Variants in HPSE2 observed in about 807,000 individuals in gnomAD.
HPSE2 encodes heparanase 2 (inactive).
In HPSE2, 38 loss-of-function variants were observed where a neutral mutation model predicts 60.5. That is an observed-to-expected ratio of 0.63 (90% CI 0.48 to 0.82). The LOEUF is 0.82. Among genes scored for constraint, HPSE2 ranks in the 40% least tolerant of loss-of-function variants. The probability of loss-of-function intolerance (pLI) is 0.00; values close to 1 mark genes in which losing one functional copy is unlikely to be tolerated. For missense variants in HPSE2, 713 were observed against 740.4 expected (o/e 0.96, Z 0.43); for synonymous variants, 295 against 293.2 (o/e 1.01, Z -0.06).
rs546273418 is a variant in HPSE2 at position 99,079,866 on chromosome 10, A to T, written c.610+64372T>A. 1.6e-4 allele frequency among the ~76,000 whole-genome samples: 24 copies of T among 152,288 alleles called. No individual in the cohort carries two copies. In the East Asian group the frequency reaches 2.3e-3, roughly 15 times the overall value. On this transcript the variant is annotated intron_variant, in intron 3 of 11. Coordinates refer to ENST00000370552, the MANE Select transcript of HPSE2 (RefSeq NM_021828.5). ...TCCTGTCAGCACTCCAAGACACTCA[A>T]GACATATAGCAGTCTTCTCAGAAGT...
chr10:99,153,129 C>A (rs1481834735), intron 2 of HPSE2, among the ~76,000 whole-genome samples: 1 of 152,190 alleles, frequency 6.6e-6, no homozygotes, highest in East Asian at 1.9e-4. Flanking sequence ...TGATTGCTAG[C>A]ACAGCAGTCT....
At chr10:99,211,385 CA>C (rs2133909167) in intron 2 of HPSE2, among the ~76,000 whole-genome samples, 1 of 152,036 alleles carries the variant, frequency 6.6e-6, no homozygotes, top group East Asian at 1.9e-4. Context: ...CAGAAGACCC[CA>C]AACAGCCAAA....
At chr10:99,096,874 T>C (rs989936749) in intron 3 of HPSE2, among the ~76,000 whole-genome samples, 29 of 152,200 alleles carry the variant, frequency 1.9e-4, no homozygotes, top group African/African-American at 6.8e-4. Context: ...AAGAGGCAGC[T>C]GGCTGGCTCA....
In HPSE2 at chr10:99,225,463, T is replaced by C. The variant is rs986656964; in HGVS notation, c.448+6885A>G. On this transcript the variant is annotated intron_variant, in intron 2 of 11. Transcript: ENST00000370552. ...TTATAAAATACTAGCCTACATTTAC[T>C]CTACAAAAGAAGGAAGAATAACATA... 2.0e-5 allele frequency among the ~76,000 whole-genome samples: 3 copies of C among 152,116 alleles called. No homozygotes were observed. The East Asian group carries it at 5.8e-4, about 29-fold the overall frequency.
chr10:99,293,755 T>C, the HPSE2 span, among the ~76,000 whole-genome samples: 4 of 152,150 alleles, frequency 2.6e-5, no homozygotes, highest in Non-Finnish European at 5.9e-5. Flanking sequence ...ATCAATAATA[T>C]AACAATTACG....
At chr10:98,852,455 C>T (rs1283280846) in intron 3 of HPSE2, among the ~76,000 whole-genome samples, 1 of 152,100 alleles carries the variant, frequency 6.6e-6, no homozygotes, top group Non-Finnish European at 1.5e-5. Flanking sequence ...TCAAGTGGTC[C>T]TCTGGCCTCA....
intron 9 of HPSE2, among the ~76,000 whole-genome samples, chr10:98,561,888 G>T (rs1400547420): frequency 1.3e-5 from 2 of 151,918 alleles, no homozygotes; most frequent in African/African-American, 4.8e-5. Flanking sequence ...CAACAACAAA[G>T]AAAAACTTTT....
intron 3 of HPSE2, among the ~76,000 whole-genome samples, chr10:99,098,124 T>G (rs1003693497): frequency 6.6e-6 from 1 of 152,212 alleles, no homozygotes; most frequent in Admixed American, 6.5e-5. Context: ...GTCCTACATA[T>G]CTATGGGTTC....
chr10:99,086,502 G>A (rs1160262286), intron 3 of HPSE2, among the ~76,000 whole-genome samples: 3 of 150,408 alleles, frequency 2.0e-5, no homozygotes, highest in African/African-American at 4.9e-5. Flanking sequence ...ACAGGCGCCC[G>A]CCACTACGCC....
chr10:98,555,913 T>C (rs1036760009), intron 9 of HPSE2, among the ~76,000 whole-genome samples: 3 of 152,136 alleles, frequency 2.0e-5, no homozygotes, highest in Non-Finnish European at 4.4e-5. Flanking sequence ...CTTGCTTGCT[T>C]GAGGTAGAAT....
chr10:98,895,738 T>C (rs987071126), intron 3 of HPSE2, among the ~76,000 whole-genome samples: 6 of 151,018 alleles, frequency 4.0e-5, no homozygotes, highest in Non-Finnish European at 5.9e-5. Flanking sequence ...ATATACACCA[T>C]GGAATACTAT....
intron 2 of HPSE2, among the ~76,000 whole-genome samples, chr10:99,145,576 A>G (rs901832317): frequency 4.0e-5 from 6 of 149,424 alleles, no homozygotes; most frequent in Non-Finnish European, 8.9e-5. Flanking sequence ...CATAGGTACA[A>G]ATGATACCAT....
At chr10:98,738,449 T>C (rs964119595) in intron 4 of HPSE2, among the ~76,000 whole-genome samples, 3 of 152,048 alleles carry the variant, frequency 2.0e-5, no homozygotes, top group African/African-American at 7.2e-5. Flanking sequence ...CCAAAATCAA[T>C]TGCAACAAAA....
chr10:98,538,253 T>C (rs2133816931), intron 9 of HPSE2, among the ~76,000 whole-genome samples: 1 of 152,288 alleles, frequency 6.6e-6, no homozygotes, highest in South Asian at 2.1e-4. Flanking sequence ...TTACAATCTT[T>C]CGTCTCCGCA....
chr10:99,160,994 T>C (rs992590102), intron 2 of HPSE2, among the ~76,000 whole-genome samples: 1 of 149,902 alleles, frequency 6.7e-6, no homozygotes, highest in African/African-American at 2.5e-5. Context: ...GGTGGGAAGA[T>C]GGCTTGAGGC....
intron 6 of HPSE2, among the ~76,000 whole-genome samples, chr10:98,664,211 A>G (rs1947299133): frequency 6.6e-6 from 1 of 152,052 alleles, no homozygotes; most frequent in Non-Finnish European, 1.5e-5. Context: ...GACCCTGATT[A>G]AACTCTGCCA....
At chr10:98,656,765 T>TG (rs1947076577) in intron 6 of HPSE2, among the ~76,000 whole-genome samples, 1 of 150,252 alleles carries the variant, frequency 6.7e-6, no homozygotes, top group Admixed American at 6.7e-5. Context: ...TGATAGGTTT[T>TG]TTTTTTTTTT....
At chr10:98,705,559 T>C (rs560597906) in intron 5 of HPSE2, among the ~76,000 whole-genome samples, 1 of 152,282 alleles carries the variant, frequency 6.6e-6, no homozygotes, top group East Asian at 1.9e-4. Context: ...AGACACACCA[T>C]GGAATAATAC....
intron 3 of HPSE2, among the ~76,000 whole-genome samples, chr10:98,779,863 A>G (rs714391): frequency 6.6e-6 from 1 of 151,842 alleles, no homozygotes; most frequent in African/African-American, 2.4e-5. Flanking sequence ...GTCCAAACCA[A>G]TGGAAGTAAC....
Sources: gnomAD v4.1 joint callset for allele counts (sites outside exome capture counted in the v4.1 genomes callset) on GRCh38, gnomAD v4.1.1 for gene constraint, MANE v1.5 for transcripts, NCBI Gene and HGNC (gene_info 2026-07-23, HGNC 2026-07-21) for gene names.